The following CHMP3 variants were observed in gnomAD, a reference collection of about 807,000 sequenced individuals.
The protein encoded by CHMP3 is 25.1 protein.
Under a neutral mutation model 27.4 loss-of-function variants are expected in CHMP3, and 8 were observed. The ratio of observed to expected loss-of-function variants is 0.29; its 90% CI spans 0.17 to 0.53. The LOEUF (loss-of-function observed/expected upper bound fraction) is 0.53. Ranked by LOEUF, CHMP3 falls within the 20% of genes least tolerant of loss-of-function variation. The pLI is 0.96. For missense variants in CHMP3, 208 were observed against 271.5 expected, an observed-to-expected ratio of 0.77 and a Z score of 1.64; for synonymous variants, 86 against 85.5, an observed-to-expected ratio of 1.01 and a Z score of -0.03.
chr2:86,503,601 A>T lies in CHMP3; in HGVS notation c.*2203T>A, dbSNP rs943579968. ...GATAAACTATTCATCTAGACAATGG[A>T]GTATTATTCAGTGCTAAAAATAAAT... On this transcript the variant is annotated 3_prime_UTR_variant, in exon 6 of 6. Coordinates refer to ENST00000263856, the MANE Select transcript of CHMP3 (RefSeq NM_016079.4). 11 of 152,216 alleles carry T rather than the reference A, an allele frequency of 7.2e-5. No individual in the cohort carries two copies. The highest frequency in any genetic ancestry group is 2.7e-4 in the African/African-American group (11 of 41,452). 9.4% of individuals were successfully genotyped at this position (152,216 alleles called of 1,614,324 possible).
At position 86,505,296 on chromosome 2, in the gene CHMP3, G is replaced by C. The variant is rs1456195743; in HGVS notation, c.*508C>G. On this transcript the variant is annotated 3_prime_UTR_variant, in exon 6 of 6. Transcript: ENST00000263856. ...ATACCATGTCTGTGAAAGCCGGGGA[G>C]CAGCAACCACAGAGCAGAAGTCACT... 1 of 152,302 alleles carries C rather than the reference G, an allele frequency of 6.6e-6. No homozygotes were observed. Among genetic ancestry groups the C allele is most frequent in the Non-Finnish European group, 1.5e-5 (1 of 68,110 alleles). 9.4% of individuals were successfully genotyped at this position (152,302 alleles called of 1,614,324 possible).
intron 3 of CHMP3, among the ~76,000 whole-genome samples, chr2:86,514,201 G>A (rs543952511): frequency 2.0e-5 from 3 of 152,208 alleles, no homozygotes; most frequent in African/African-American, 4.8e-5. Context: ...TAACCAGCTC[G>A]AAGCAGGGAC....
intron 1 of CHMP3, among the ~76,000 whole-genome samples, chr2:86,550,072 C>G (rs1373132756): frequency 4.6e-5 from 7 of 152,106 alleles, no homozygotes; most frequent in Admixed American, 4.6e-4. Flanking sequence ...CGCCACTGCA[C>G]TCCAGCCTGG....
At chr2:86,514,937 A>C (rs1486997835) in intron 3 of CHMP3, among the ~76,000 whole-genome samples, 1 of 152,220 alleles carries the variant, frequency 6.6e-6, no homozygotes, top group Non-Finnish European at 1.5e-5. Context: ...AACATTACTA[A>C]GTCAGTAATG....
chr2:86,508,420 G>A (rs989439329), intron 4 of CHMP3, among the ~76,000 whole-genome samples: 3 of 152,246 alleles, frequency 2.0e-5, no homozygotes, highest in South Asian at 2.1e-4. Context: ...GCAAAGGGTC[G>A]GAACAGCAAC....
chr2:86,551,844 T>A (rs1676918859), intron 1 of CHMP3, among the ~76,000 whole-genome samples: 2 of 152,208 alleles, frequency 1.3e-5, no homozygotes, highest in Non-Finnish European at 2.9e-5. Context: ...TATAAACACC[T>A]TCATGATTTT....
chr2:86,513,789 A>T (rs921319796), intron 3 of CHMP3, among the ~76,000 whole-genome samples: 4 of 152,210 alleles, frequency 2.6e-5, no homozygotes, highest in Non-Finnish European at 5.9e-5. Context: ...CTGCAGCAAC[A>T]CCTGGCATCA....
At chr2:86,529,133 G>C in intron 3 of CHMP3, 85 bp downstream of exon 3, 2 of 1,354,812 alleles carry the variant, frequency 1.5e-6, no homozygotes. Context: ...AACCAGAGTT[G>C]AGTTTTTCCT....
intron 1 of CHMP3, among the ~76,000 whole-genome samples, chr2:86,546,268 G>A (rs1203464299): frequency 6.6e-6 from 1 of 151,462 alleles, no homozygotes. Context: ...GCAGGCCGGA[G>A]GCAGGAGAAT....
rs546755909 is a variant in CHMP3 at position 86,535,556 on chromosome 2, T to A, written c.107-6159A>T. 7.2e-5 allele frequency among the ~76,000 whole-genome samples: 11 copies of A among 152,262 alleles called. No individual in the cohort carries two copies. In the South Asian group the frequency reaches 2.3e-3, roughly 32 times the overall value. ...TCTCACTTTATCACTCAGGCTAGAG[T>A]GCAGTGGCATCATGATCTCAGCTCA... On this transcript the variant is annotated intron_variant, in intron 2 of 5. Transcript: ENST00000263856.
chr2:86,560,969 G>A (rs2104072188), intron 1 of CHMP3, among the ~76,000 whole-genome samples: 1 of 152,260 alleles, frequency 6.6e-6, no homozygotes, highest in Admixed American at 6.5e-5. Context: ...TGGGAAATCT[G>A]CTCCCATGAT....
At position 86,504,417 on chromosome 2, in the gene CHMP3, AT is replaced by A. The variant is rs1674808412; in HGVS notation, c.*1386del. On this transcript the variant is annotated 3_prime_UTR_variant, in exon 6 of 6. Transcript: ENST00000263856. Reference sequence around the variant, plus strand: ...GTGAACCTACAACTGATTTAAAAAAATAATTATTTAAAATAATTTTTTAACT... The same window carrying A: ...GTGAACCTACAACTGATTTAAAAAAAAATTATTTAAAATAATTTTTTAACT... 6.6e-6 allele frequency: 1 copy of A among 152,264 alleles called. No homozygotes were observed. Among genetic ancestry groups the A allele is most frequent in the East Asian group, 1.9e-4 (1 of 5,188 alleles). The allele number at this position is 152,264 out of a possible 1,614,324, so 9.4% of individuals were successfully genotyped here.
chr2:86,555,801 C>G (rs377700745), intron 1 of CHMP3, among the ~76,000 whole-genome samples: 18 of 152,188 alleles, frequency 1.2e-4, no homozygotes, highest in African/African-American at 4.1e-4. Flanking sequence ...TATAAGGATA[C>G]AGGTGATTGC....
intron 1 of CHMP3, among the ~76,000 whole-genome samples, chr2:86,559,912 G>A (rs576263477): frequency 6.6e-6 from 1 of 152,148 alleles, no homozygotes; most frequent in Non-Finnish European, 1.5e-5. Flanking sequence ...TGTGTATGTG[G>A]TACTGTATTA....
rs1452238454 is a variant in CHMP3 at position 86,527,067 on chromosome 2, T to TA, written c.286+2150_286+2151insT. On this transcript the variant is annotated intron_variant, in intron 3 of 5. Transcript: ENST00000263856. ...TTCAACTTTTGTAATAATGCTTTTT[T>TA]TATATATATATAATATAGAAGCAGG... 4.0e-5 allele frequency: 6 copies of TA among 151,678 alleles called. No individual in the cohort carries two copies. The East Asian group carries it at 1.2e-3, about 29-fold the overall frequency. The allele number at this position is 151,678 out of a possible 1,614,324, so 9.4% of individuals were successfully genotyped here. A position where few individuals can be genotyped will look rare whatever the true frequency, so the allele number is the denominator to read the frequency against.
chr2:86,529,388 C>A lies in CHMP3; in HGVS notation c.116G>T (p.Arg39Ile). 6.3e-7 allele frequency: 1 copy of A among 1,595,322 alleles called. No homozygotes were observed. Among genetic ancestry groups the A allele is most frequent in the Non-Finnish European group, 8.5e-7 (1 of 1,172,516 alleles). ...AGATCGTTTCACTTTTTCTTCTTCT[C>A]TTTGGATATCTAAATTTAGAACAGA... ...VVDRQIRDIQ[R>I]EEEKVKRSVK... Residue 39 changes from arginine (R) to isoleucine (I), a missense_variant, in exon 3 of 6, where the codon AGA becomes ATA. Physicochemically the swap from Arg to Ile is moderately conservative, Grantham distance 97. Around this residue, in one of 3 missense-constraint regions of CHMP3, gnomAD observed 52 missense variants for 43.5 expected, o/e 1.19. Transcript: ENST00000263856.
chr2:86,546,799 T>A (rs1207563078), intron 1 of CHMP3, among the ~76,000 whole-genome samples: 1 of 152,216 alleles, frequency 6.6e-6, no homozygotes, highest in Non-Finnish European at 1.5e-5. Flanking sequence ...GAGAATTGTT[T>A]ATTCATATCT....
intron 3 of CHMP3, among the ~76,000 whole-genome samples, chr2:86,523,608 T>C (rs554921752): frequency 1.3e-5 from 2 of 152,190 alleles, no homozygotes; most frequent in East Asian, 3.9e-4. Context: ...TCTATATGCC[T>C]GAAAAGACGA....
At chr2:86,550,284 G>C (rs1053257672) in intron 1 of CHMP3, among the ~76,000 whole-genome samples, 1 of 152,228 alleles carries the variant, frequency 6.6e-6, no homozygotes, top group African/African-American at 2.4e-5. Context: ...GCCGAGGTAG[G>C]AGAACCACGG....
Sources: gnomAD v4.1 joint callset for allele counts (sites outside exome capture counted in the v4.1 genomes callset) on GRCh38, gnomAD v4.1.1 for gene constraint, gnomAD v4.1.1 regional missense constraint, MANE v1.5 for transcripts, NCBI Gene and HGNC (gene_info 2026-07-23, HGNC 2026-07-21) for gene names.